Variants in SCRIB observed in about 807,000 individuals in gnomAD.
SCRIB encodes protein scribble homolog.
Under a neutral mutation model 170.0 loss-of-function variants are expected in SCRIB, and 72 were observed. The observed-to-expected ratio is 0.42, with a 90% CI of 0.35 to 0.52. SCRIB has a LOEUF of 0.52. SCRIB is among the 20% of genes least tolerant of loss of function. The probability of loss-of-function intolerance (pLI) is 0.02; values close to 1 mark genes in which losing one functional copy is unlikely to be tolerated. For missense variants in SCRIB, 2,475 were observed against 2,338.5 expected, an observed-to-expected ratio of 1.06 and a Z score of -1.20; for synonymous variants, 1,298 against 1,044.3, an observed-to-expected ratio of 1.24 and a Z score of -4.68.
chr8:143,804,755 G>C lies in SCRIB; in HGVS notation c.2822C>G (p.Thr941Ser). ...CTCCCGCTCCAACAGCAGGGCGATGGTGGGGGAGGCAGCGGTCAGCAGGGA... is the reference window on the plus strand; with the variant it reads ...CTCCCGCTCCAACAGCAGGGCGATGCTGGGGGAGGCAGCGGTCAGCAGGGA... Reference protein sequence around the residue: ...AVSLLTAASPTIALLLEREAG... With the variant: ...AVSLLTAASPSIALLLEREAG... The change falls in exon 21 of 37, where the codon ACC (threonine) becomes AGC (serine). Residue 941 changes from threonine to serine, a missense_variant. By Grantham distance (58) the Thr-to-Ser change is moderately conservative (BLOSUM62 1). Coordinates refer to ENST00000356994, the MANE Select transcript of SCRIB (RefSeq NM_182706.5). 6.2e-7 allele frequency: 1 copy of C among 1,604,896 alleles called. No individual in the cohort carries two copies. Among genetic ancestry groups the C allele is most frequent in the Non-Finnish European group, 8.5e-7 (1 of 1,176,898 alleles).
chr8:143,793,871 G>A (rs1814822594), intron 28 of SCRIB, 29 bp downstream of exon 28: 1 of 1,610,196 alleles, frequency 6.2e-7, no homozygotes, highest in Non-Finnish European at 8.5e-7. Context: ...ACCCACCATG[G>A]GGCACACCCG....
In SCRIB at chr8:143,808,981, G is replaced by A. The variant is rs151205998; in HGVS notation, c.1743C>T (p.Asp581=). The part of the protein sequence containing the change: ...FAEDALLPGD[D]REIEEGQPEA... ...CAGGCTGCCCCTCCTCGATCTCCCT[G>A]TCATCCCCGGGCAGCAGTGCGTCCT... The change falls in exon 15 of 37, where the codon GAC becomes GAT. Residue 581 remains aspartate (D), a synonymous_variant. Transcript: ENST00000356994. 7.7e-5 allele frequency: 125 copies of A among 1,613,114 alleles called. No individual in the cohort carries two copies. The highest frequency in any genetic ancestry group is 9.7e-5 in the Non-Finnish European group (115 of 1,179,952).
In SCRIB at chr8:143,815,417, C is replaced by T. The variant is rs1816037907; in HGVS notation, c.-45G>A. On this transcript the variant is annotated 5_prime_UTR_variant, in exon 1 of 37. Transcript: ENST00000356994. ...GGCTCCGGCGGCGGCGCTCGGCGGG[C>T]TCGGGGCCGGGGGGCGGGGCTCAGT... is the stretch of plus-strand genomic sequence containing the variant. 2 of 1,241,388 alleles carry T rather than the reference C, an allele frequency of 1.6e-6. No homozygotes were observed. The highest frequency in any genetic ancestry group is 2.0e-6 in the Non-Finnish European group (2 of 989,042). 76.9% of individuals were successfully genotyped at this position (1,241,388 alleles called of 1,614,324 possible). A position where few individuals can be genotyped will look rare whatever the true frequency, so the allele number is the denominator to read the frequency against.
chr8:143,792,667 C>G (rs369672081), intron 30 of SCRIB, 32 bp from the exon 31 acceptor site: 9 of 1,591,376 alleles, frequency 5.7e-6, no homozygotes, highest in African/African-American at 1.3e-5. Context: ...CAGGCCAGAC[C>G]AGCCGAGACC....
chr8:143,792,790 C>T lies in SCRIB; in HGVS notation c.4095G>A (p.Val1365=). The T allele has an allele frequency of 6.3e-7, 1 of 1,578,072 alleles. No homozygotes were observed. The highest frequency in any genetic ancestry group is 1.2e-5 in the South Asian group (1 of 85,870). The change falls in exon 30 of 37, where the codon GTG becomes GTA. Residue 1365 remains valine, a synonymous_variant. Coordinates refer to ENST00000356994, the MANE Select transcript of SCRIB (RefSeq NM_182706.5). The part of the protein sequence containing the change: ...RERQKYFELE[V]RVPQAEGPPK... ...GGGGGCCCTCGGCCTGGGGCACGCG[C>T]ACCTCCAGCTCAAAGTACTTCTGCC...
chr8:143,813,781 A>G (rs780389600), intron 3 of SCRIB, 37 bp downstream of exon 3: 2 of 1,610,322 alleles, frequency 1.2e-6, no homozygotes, highest in Non-Finnish European at 1.7e-6. Context: ...TGTGGGACCC[A>G]TAGCCCCTAC....
At chr8:143,794,253 A>G in intron 27 of SCRIB, 1 of 428,066 alleles carries the variant, frequency 2.3e-6, no homozygotes, top group Non-Finnish European at 4.3e-6. Context: ...GAGAGCAGGG[A>G]GGGCTCGGGG....
In SCRIB at chr8:143,814,014, G is replaced by A. The variant is rs769741601; in HGVS notation, c.264C>T (p.Asp88=). ...CAGGCTCCCCACCGTTCCGGGACAC[G>A]TCCAGCTCCACCAGCTGCATGAAGT... is the stretch of plus-strand genomic sequence containing the variant. ...VANFMQLVEL[D]VSRNDIPEIP... Residue 88 remains aspartate, a synonymous_variant, in exon 2 of 37, where the codon GAC becomes GAT. Coordinates refer to ENST00000356994, the MANE Select transcript of SCRIB (RefSeq NM_182706.5). 4.4e-5 allele frequency: 67 copies of A among 1,526,184 alleles called. No individual in the cohort carries two copies. The highest frequency in any genetic ancestry group is 7.0e-5 in the African/African-American group (5 of 71,806). The allele number at this position is 1,526,184 out of a possible 1,614,324, so 94.5% of individuals were successfully genotyped here. A position where few individuals can be genotyped will look rare whatever the true frequency, so the allele number is the denominator to read the frequency against.
intron 13 of SCRIB, 131 bp from the exon 14 acceptor site, chr8:143,809,849 C>G (rs905663001): frequency 1.9e-6 from 2 of 1,044,870 alleles, no homozygotes; most frequent in Admixed American, 2.4e-5. Flanking sequence ...AACGGGCTCA[C>G]GCCCTCGCAG....
rs1165192597 is a variant in SCRIB, at chr8:143,813,160, G to A, written c.568-56C>T. On this transcript the variant is annotated intron_variant, in intron 6 of 36. Transcript: ENST00000356994. ...ATGAGGCAAAGCCTCCTGCTGCGCC[G>A]TGCTCAAGAGACTATACGCCCCCAC... The A allele has an allele frequency of 5.4e-5, 85 of 1,581,676 alleles. No individual in the cohort carries two copies. In the East Asian group the frequency reaches 5.4e-4, roughly 10 times the overall value.
At chr8:143,793,779 T>G in intron 28 of SCRIB, 121 bp downstream of exon 28, 1 of 949,510 alleles carries the variant, frequency 1.1e-6, no homozygotes, top group Non-Finnish European at 1.6e-6. Context: ...AAAACCGGAG[T>G]CAACAGCACC....
In SCRIB at chr8:143,803,769, G is replaced by A. The variant is rs1554635570; in HGVS notation, c.3292C>T (p.Leu1098=). The A allele has an allele frequency of 1.2e-6, 2 of 1,601,870 alleles. No homozygotes were observed. The highest frequency in any genetic ancestry group is 2.7e-5 in the African/African-American group (2 of 74,882). Residue 1098 remains leucine (L), a synonymous_variant, in exon 23 of 37, where the codon CTA becomes TTA. Transcript: ENST00000356994. The part of the protein sequence containing the change: ...LVRRDPAPPG[L]RELCIQKAPG... Reference sequence around the variant, plus strand: ...GCCTTCTGGATGCACAGTTCCCGTAGGCCCGGGGGTGCCGGGTCCCTCCGC... The same window carrying A: ...GCCTTCTGGATGCACAGTTCCCGTAAGCCCGGGGGTGCCGGGTCCCTCCGC...
chr8:143,794,956 A>C, intron 27 of SCRIB, 82 bp downstream of exon 27: 1 of 1,360,490 alleles, frequency 7.4e-7, no homozygotes, highest in East Asian at 2.3e-5. Flanking sequence ...TCCCTCCCGG[A>C]TGGCCCTGGC....
chr8:143,791,843 G>A (rs1554632774), intron 34 of SCRIB, 33 bp downstream of exon 34: 4 of 1,544,260 alleles, frequency 2.6e-6, no homozygotes, highest in Non-Finnish European at 3.5e-6. Flanking sequence ...ATGCCTCGGG[G>A]GTGAAGGGAA....
At chr8:143,809,402 C>T (rs1356995521) in intron 14 of SCRIB, 149 bp downstream of exon 14, 10 of 916,014 alleles carry the variant, frequency 1.1e-5, no homozygotes, top group South Asian at 9.6e-5. Flanking sequence ...CTGCACCACC[C>T]GTAGCCACTC....
At position 143,792,495 on chromosome 8, in the gene SCRIB, G is replaced by T. The variant is rs1020307762; in HGVS notation, c.4318C>A (p.Pro1440Thr). ...DEQPPWASPS[P>T]TSRQSPASPP... The stretch of plus-strand genomic sequence containing the variant: ...TGGGCGGGTGCTCACCTTGAGGTGG[G>T]GCTCGGGCTGGCCCAGGGTGGCTGC... Residue 1440 changes from proline (P) to threonine (T), a missense_variant, in exon 31 of 37, where the codon CCC (proline) becomes ACC (threonine). Coordinates refer to ENST00000356994, the MANE Select transcript of SCRIB (RefSeq NM_182706.5). 4 of 1,544,952 alleles carry T rather than the reference G, an allele frequency of 2.6e-6. No homozygotes were observed. The highest frequency in any genetic ancestry group is 3.5e-6 in the Non-Finnish European group (4 of 1,150,972).
intron 24 of SCRIB, among the ~76,000 whole-genome samples, chr8:143,796,115 A>AG (rs1477654970): frequency 6.6e-5 from 10 of 152,134 alleles, no homozygotes; most frequent in African/African-American, 2.4e-4. Context: ...GGCAGGGCAG[A>AG]GGGGGGCGAG....
In SCRIB at chr8:143,792,270, G is replaced by A. The variant is rs371082782; in HGVS notation, c.4464C>T (p.Ala1488=). The A allele has an allele frequency of 5.9e-4, 932 of 1,571,322 alleles. 1 individual carries two copies. The highest frequency in any genetic ancestry group is 4.4e-3 in the Middle Eastern group (26 of 5,852). Residue 1488 remains alanine (A), a synonymous_variant, in exon 32 of 37, where the codon GCC becomes GCT. Transcript: ENST00000356994. ...TCTCGGCCTCCAGGGCCCGGAGCTC[G>A]GCAGGGGACAGGGCACGCTCGGGTG... ...PPAPERALSP[A]ELRALEAEKR...
chr8:143,812,029 G>C (rs754783421), intron 9 of SCRIB, among the ~76,000 whole-genome samples: 6 of 152,132 alleles, frequency 3.9e-5, no homozygotes, highest in Non-Finnish European at 7.4e-5. Context: ...AACATACAGC[G>C]ATAAACACGA....
Sources: allele counts gnomAD v4.1 joint callset (sites outside exome capture counted in the v4.1 genomes callset), GRCh38; gene constraint gnomAD v4.1.1; transcripts MANE v1.5; gene names NCBI Gene and HGNC (gene_info 2026-07-23, HGNC 2026-07-21).